The following CTNNA3 variants were observed in gnomAD, a reference collection of about 807,000 sequenced individuals.
CTNNA3 encodes the protein catenin alpha 3.
A neutral mutation model predicts 95.7 loss-of-function variants in CTNNA3; 76 were observed. The ratio of observed to expected loss-of-function variants is 0.79; its 90% CI spans 0.66 to 0.96. The LOEUF (loss-of-function observed/expected upper bound fraction) is 0.96. Ranked by LOEUF, CTNNA3 falls within the 40% of genes least tolerant of loss-of-function variation. The pLI is 0.00. For missense variants in CTNNA3, 1,191 were observed against 1,089.8 expected (o/e 1.09, Z -1.31); for synonymous variants, 431 against 374.4 (o/e 1.15, Z -1.74).
At chr10:67,232,986 T>C (rs990275717) in intron 5 of CTNNA3, among the ~76,000 whole-genome samples, 6 of 152,096 alleles carry the variant, frequency 3.9e-5, no homozygotes, top group African/African-American at 1.4e-4. Flanking sequence ...ATGCACCCAA[T>C]ACAGGAGCAC....
At chr10:67,616,486 G>A (rs1843660595) in intron 2 of CTNNA3, among the ~76,000 whole-genome samples, 1 of 152,226 alleles carries the variant, frequency 6.6e-6, no homozygotes, top group African/African-American at 2.4e-5. Flanking sequence ...CTTCTTTGAG[G>A]AAGCAGTGGC....
intron 15 of CTNNA3, among the ~76,000 whole-genome samples, chr10:66,019,783 T>C (rs893491045): frequency 6.6e-6 from 1 of 152,188 alleles, no homozygotes; most frequent in African/African-American, 2.4e-5. Flanking sequence ...AGCTTCAAAG[T>C]CTATAAAATG....
At chr10:66,787,002 C>G (rs901522406) in intron 7 of CTNNA3, among the ~76,000 whole-genome samples, 1 of 152,172 alleles carries the variant, frequency 6.6e-6, no homozygotes, top group Non-Finnish European at 1.5e-5. Flanking sequence ...CAAAGAAAAT[C>G]CTTCTCTATT....
chr10:67,455,546 T>C (rs1847142584), intron 5 of CTNNA3, among the ~76,000 whole-genome samples: 1 of 152,120 alleles, frequency 6.6e-6, no homozygotes, highest in Non-Finnish European at 1.5e-5. Context: ...AACACTACAT[T>C]GGTCAGTGAT....
intron 13 of CTNNA3, among the ~76,000 whole-genome samples, chr10:66,143,420 G>A (rs1302290232): frequency 6.6e-6 from 1 of 152,028 alleles, no homozygotes; most frequent in Admixed American, 6.6e-5. Context: ...GAGAACTTAT[G>A]GCACTGATAA....
chr10:67,046,814 C>T (rs990227009), intron 7 of CTNNA3, among the ~76,000 whole-genome samples: 1 of 152,020 alleles, frequency 6.6e-6, no homozygotes, highest in African/African-American at 2.4e-5. Flanking sequence ...AATGCATGGC[C>T]CATAATCGAA....
At chr10:67,402,602 C>T (rs1405697303) in intron 5 of CTNNA3, among the ~76,000 whole-genome samples, 2 of 152,268 alleles carry the variant, frequency 1.3e-5, no homozygotes, top group African/African-American at 2.4e-5. Context: ...GGATGATAGC[C>T]CACCTGGAAG....
chr10:66,515,341 C>CTA lies in CTNNA3; in HGVS notation c.1531+5275_1531+5276insTA, dbSNP rs1252753421. On this transcript the variant is annotated intron_variant, in intron 11 of 17. Transcript: ENST00000433211. ...TCTCTCCCTCTCTGTCTCTCTCTCTCTCTCTATATATATATATAGTATTAG... is the reference window on the plus strand; with the variant it reads ...TCTCTCCCTCTCTGTCTCTCTCTCTCTATCTCTATATATATATATAGTATTAG... 1.5e-4 allele frequency among the ~76,000 whole-genome samples: 21 copies of CTA among 142,254 alleles called. 1 individual carries two copies. Among genetic ancestry groups the CTA allele is most frequent in the African/African-American group, 5.1e-4 (20 of 38,936 alleles). The allele number at this position is 142,254 out of a possible 152,430, so 93.3% of individuals were successfully genotyped here.
At chr10:67,262,404 C>T (rs1259138583) in intron 5 of CTNNA3, among the ~76,000 whole-genome samples, 1 of 152,114 alleles carries the variant, frequency 6.6e-6, no homozygotes. Context: ...CAGCTGACCC[C>T]TGGAGGTACT....
chr10:66,584,378 A>G (rs1375470541), intron 10 of CTNNA3, among the ~76,000 whole-genome samples: 1 of 151,886 alleles, frequency 6.6e-6, no homozygotes, highest in East Asian at 1.9e-4. Context: ...CGGTGCATAT[A>G]AATTTAGACA....
At chr10:66,074,441 T>C (rs1043330481) in intron 14 of CTNNA3, among the ~76,000 whole-genome samples, 22 of 151,876 alleles carry the variant, frequency 1.4e-4, no homozygotes, top group Admixed American at 1.4e-3. Flanking sequence ...TTCAATCTCA[T>C]CCCATCTTAC....
intron 5 of CTNNA3, among the ~76,000 whole-genome samples, chr10:67,467,964 G>T (rs1284791164): frequency 6.6e-6 from 1 of 151,346 alleles, no homozygotes; most frequent in South Asian, 2.1e-4. Flanking sequence ...GCCATCCTCA[G>T]ACTCCCAAAG....
intron 9 of CTNNA3, among the ~76,000 whole-genome samples, chr10:66,653,436 A>G (rs979197229): frequency 2.6e-5 from 4 of 152,098 alleles, no homozygotes; most frequent in African/African-American, 7.2e-5. Context: ...AAACTCTGAT[A>G]CATTGATAAA....
chr10:66,420,835 A>AATAAATAAATT (rs1652537233), intron 11 of CTNNA3, among the ~76,000 whole-genome samples: 1 of 92,994 alleles, frequency 1.1e-5, no homozygotes, highest in South Asian at 3.8e-4. Flanking sequence ...ATAAATAAAT[A>AATAAATAAATT]AATAAAAAAC....
At chr10:66,525,359 T>G (rs1841217140) in intron 10 of CTNNA3, among the ~76,000 whole-genome samples, 2 of 152,132 alleles carry the variant, frequency 1.3e-5, no homozygotes, top group Non-Finnish European at 1.5e-5. Flanking sequence ...TTTCTACATA[T>G]TCACCTAATT....
chr10:66,526,819 C>T (rs943597547), intron 10 of CTNNA3, among the ~76,000 whole-genome samples: 3 of 151,986 alleles, frequency 2.0e-5, no homozygotes, highest in South Asian at 2.1e-4. Context: ...TTTTAGGAGT[C>T]CTTTACATAT....
In CTNNA3 at chr10:66,171,744, A is replaced by G. The variant is rs142467012; in HGVS notation, c.1885-68495T>C. On this transcript the variant is annotated intron_variant, in intron 13 of 17. Coordinates refer to ENST00000433211, the MANE Select transcript of CTNNA3 (RefSeq NM_013266.4). ...CTGGTTCTAATGATGGAATTAGCTG[A>G]AACTTGGAGCCATGATTTTGCAGGT... 5.6e-3 allele frequency among the ~76,000 whole-genome samples: 847 copies of G among 152,140 alleles called. 14 individuals are homozygous for G. The highest frequency in any genetic ancestry group is 0.02 in the African/African-American group (810 of 41,504).
chr10:66,539,098 T>C (rs1589393746), intron 10 of CTNNA3, among the ~76,000 whole-genome samples: 1 of 152,154 alleles, frequency 6.6e-6, no homozygotes, highest in Non-Finnish European at 1.5e-5. Context: ...CAAAGTGTCA[T>C]CTGCTGACTA....
At chr10:67,305,390 A>T (rs1435718603) in intron 5 of CTNNA3, among the ~76,000 whole-genome samples, 2 of 151,646 alleles carry the variant, frequency 1.3e-5, no homozygotes, top group African/African-American at 4.8e-5. Flanking sequence ...AAAAAAAAAA[A>T]AAGAGAGAGA....
Sources: allele counts gnomAD v4.1 joint callset (sites outside exome capture counted in the v4.1 genomes callset), GRCh38; gene constraint gnomAD v4.1.1; transcripts MANE v1.5; gene names NCBI Gene and HGNC (gene_info 2026-07-23, HGNC 2026-07-21).